The following STXBP5L variants were observed in gnomAD, a reference collection of about 807,000 sequenced individuals.
STXBP5L encodes the protein syntaxin binding protein 5L.
Under a neutral mutation model 144.5 loss-of-function variants are expected in STXBP5L, and 65 were observed. That is an observed-to-expected ratio of 0.45 (90% CI 0.37 to 0.55). STXBP5L has a LOEUF of 0.55. Among genes scored for constraint, STXBP5L ranks in the 20% least tolerant of loss-of-function variants. The pLI, the probability that STXBP5L is intolerant of heterozygous loss-of-function variation, is 0.00. For synonymous variants in STXBP5L, 505 were observed against 469.6 expected, an observed-to-expected ratio of 1.08 and a Z score of -0.97; for missense variants, 1,298 against 1,405.5, an observed-to-expected ratio of 0.92 and a Z score of 1.22.
rs72968060 is a variant in STXBP5L, at chr3:121,295,682, G to C, written c.2110+15726G>C. 2.5e-3 allele frequency among the ~76,000 whole-genome samples: 381 copies of C among 152,166 alleles called. 2 individuals carry two copies. The highest frequency in any genetic ancestry group is 8.6e-3 in the African/African-American group (358 of 41,518). Reference sequence around the variant, plus strand: ...AACTAGGAATAACATTGTACCCCAGGGATATTTGGCAATGTCTGTGAACTT... The same window carrying C: ...AACTAGGAATAACATTGTACCCCAGCGATATTTGGCAATGTCTGTGAACTT... On this transcript the variant is annotated intron_variant, in intron 19 of 26. Transcript: ENST00000471454.
At chr3:121,313,479 G>A (rs1229411658) in intron 19 of STXBP5L, among the ~76,000 whole-genome samples, 1 of 85,796 alleles carries the variant, frequency 1.2e-5, no homozygotes, top group Non-Finnish European at 2.3e-5. Context: ...GCGACTGGCC[G>A]GGCAGAGGGG....
chr3:121,270,414 G>A (rs1268800182), intron 18 of STXBP5L, among the ~76,000 whole-genome samples: 1 of 151,828 alleles, frequency 6.6e-6, no homozygotes, highest in African/African-American at 2.4e-5. Context: ...ATTGCTTTTA[G>A]TTTTCATTTC....
At chr3:121,084,059 T>C (rs1454360390) in intron 5 of STXBP5L, among the ~76,000 whole-genome samples, 1 of 152,126 alleles carries the variant, frequency 6.6e-6, no homozygotes, top group African/African-American at 2.4e-5. Context: ...ATTATCTCTA[T>C]TCTTTTTGTT....
At chr3:121,134,254 G>A (rs1577036289) in intron 7 of STXBP5L, among the ~76,000 whole-genome samples, 1 of 152,118 alleles carries the variant, frequency 6.6e-6, no homozygotes, top group South Asian at 2.1e-4. Context: ...TCTAGCTCAG[G>A]TCTTTCTTCT....
intron 10 of STXBP5L, among the ~76,000 whole-genome samples, chr3:121,215,967 G>C (rs549309435): frequency 5.5e-4 from 84 of 152,176 alleles, no homozygotes; most frequent in Middle Eastern, 3.4e-3. Context: ...TTCAATCTCT[G>C]ATATCCTTTC....
intron 9 of STXBP5L, among the ~76,000 whole-genome samples, chr3:121,174,690 G>A (rs776932432): frequency 2.0e-5 from 3 of 152,096 alleles, no homozygotes; most frequent in Non-Finnish European, 2.9e-5. Context: ...AGCCCCCTGG[G>A]GCTACAGACA....
chr3:121,103,561 G>C (rs2043541535), intron 5 of STXBP5L, among the ~76,000 whole-genome samples: 1 of 152,106 alleles, frequency 6.6e-6, no homozygotes. Context: ...TGAATTGACT[G>C]TTGGGTACTG....
intron 3 of STXBP5L, among the ~76,000 whole-genome samples, chr3:120,989,230 T>G (rs777921942): frequency 6.6e-5 from 10 of 151,978 alleles, no homozygotes; most frequent in South Asian, 2.1e-4. Flanking sequence ...ATAGAAGTTG[T>G]GCAAATTTAC....
At chr3:121,187,818 A>G (rs2047462298) in intron 9 of STXBP5L, among the ~76,000 whole-genome samples, 1 of 152,146 alleles carries the variant, frequency 6.6e-6, no homozygotes, top group South Asian at 2.1e-4. Flanking sequence ...AAAAACATAC[A>G]TAGGCTCAAA....
intron 5 of STXBP5L, among the ~76,000 whole-genome samples, chr3:121,078,987 C>T (rs1204373899): frequency 6.6e-6 from 1 of 152,244 alleles, no homozygotes; most frequent in Admixed American, 6.5e-5. Context: ...TTGACCAGCC[C>T]AGAAAGGGGC....
chr3:120,973,728 G>A (rs1281883031), intron 3 of STXBP5L, among the ~76,000 whole-genome samples: 1 of 144,060 alleles, frequency 6.9e-6, no homozygotes, highest in Non-Finnish European at 1.5e-5. Flanking sequence ...AGAGTGTGAT[G>A]TTCCCCTTCC....
intron 22 of STXBP5L, among the ~76,000 whole-genome samples, chr3:121,384,080 C>T (rs1189125398): frequency 6.6e-6 from 1 of 152,056 alleles, no homozygotes; most frequent in Non-Finnish European, 1.5e-5. Flanking sequence ...GACTTGAAAA[C>T]AGTCTACTTT....
intron 5 of STXBP5L, among the ~76,000 whole-genome samples, chr3:121,097,315 G>T (rs897154609): frequency 2.0e-5 from 3 of 152,150 alleles, no homozygotes; most frequent in Non-Finnish European, 4.4e-5. Context: ...CCAGGGGAGT[G>T]AACGGTTCTG....
chr3:121,220,200 C>CTGTTACATA (rs2108283956), intron 10 of STXBP5L, among the ~76,000 whole-genome samples: 1 of 152,204 alleles, frequency 6.6e-6, no homozygotes, highest in South Asian at 2.1e-4. Flanking sequence ...CTTTTGGAGA[C>CTGTTACATA]TGTTACATAT....
chr3:121,168,063 A>C (rs1440472169), intron 9 of STXBP5L, among the ~76,000 whole-genome samples: 1 of 152,162 alleles, frequency 6.6e-6, no homozygotes. Flanking sequence ...ACCTCCAGCA[A>C]ACTCCAGCAG....
At chr3:121,102,385 T>C (rs895044898) in intron 5 of STXBP5L, among the ~76,000 whole-genome samples, 2 of 151,984 alleles carry the variant, frequency 1.3e-5, no homozygotes, top group Non-Finnish European at 2.9e-5. Flanking sequence ...TGGAACAGAA[T>C]AGAGAACCCA....
At chr3:121,246,602 A>G (rs1403738985) in intron 14 of STXBP5L, among the ~76,000 whole-genome samples, 1 of 152,342 alleles carries the variant, frequency 6.6e-6, no homozygotes, top group African/African-American at 2.4e-5. Flanking sequence ...ATTTAAAAAT[A>G]TCTATAAGTT....
At chr3:121,413,135 T>G (rs1407356179) in intron 23 of STXBP5L, 23 bp from the exon 24 acceptor site, 1 of 1,543,030 alleles carries the variant, frequency 6.5e-7, no homozygotes. Flanking sequence ...ATATGATATA[T>G]GGATTTACTT....
intron 22 of STXBP5L, among the ~76,000 whole-genome samples, chr3:121,403,725 G>T (rs1317763707): frequency 6.6e-6 from 1 of 152,134 alleles, no homozygotes; most frequent in Non-Finnish European, 1.5e-5. Flanking sequence ...GAGCAGAAAA[G>T]GAGATAGGAA....
Sources: gnomAD v4.1 joint callset for allele counts (sites outside exome capture counted in the v4.1 genomes callset) on GRCh38, gnomAD v4.1.1 for gene constraint, MANE v1.5 for transcripts, NCBI Gene and HGNC (gene_info 2026-07-23, HGNC 2026-07-21) for gene names.